The following MAMDC2 variants were observed in gnomAD, a reference collection of about 807,000 sequenced individuals.
MAMDC2 encodes the protein MAM domain-containing protein 2.
In MAMDC2, 57 loss-of-function variants were observed where a neutral mutation model predicts 89.8. The ratio of observed to expected loss-of-function variants is 0.63; its 90% confidence interval spans 0.51 to 0.79. The LOEUF (loss-of-function observed/expected upper bound fraction) is 0.79. Ranked by LOEUF, MAMDC2 falls within the 30% of genes least tolerant of loss-of-function variation. The pLI is 0.00. For missense variants in MAMDC2, 800 were observed against 820.6 expected, an observed-to-expected ratio of 0.97 and a Z score of 0.31; for synonymous variants, 313 against 293.4, an observed-to-expected ratio of 1.07 and a Z score of -0.68.
intron 9 of MAMDC2, among the ~76,000 whole-genome samples, chr9:70,157,079 A>C (rs2031787059): frequency 6.6e-6 from 1 of 152,212 alleles, no homozygotes; most frequent in Non-Finnish European, 1.5e-5. Flanking sequence ...CTTTCCCTAT[A>C]GTTTTACTAA....
chr9:70,205,602 G>C (rs1335829005), intron 11 of MAMDC2, among the ~76,000 whole-genome samples: 1 of 152,160 alleles, frequency 6.6e-6, no homozygotes, highest in Non-Finnish European at 1.5e-5. Context: ...GTGTCTGTGT[G>C]TCTCAACACA....
intron 9 of MAMDC2, among the ~76,000 whole-genome samples, chr9:70,158,533 T>C (rs1383533871): frequency 6.6e-6 from 1 of 151,500 alleles, no homozygotes; most frequent in Non-Finnish European, 1.5e-5. Flanking sequence ...TGTTTTCTGG[T>C]CTAAGTGAAA....
At chr9:70,156,812 T>C (rs550021298) in intron 9 of MAMDC2, among the ~76,000 whole-genome samples, 1 of 152,360 alleles carries the variant, frequency 6.6e-6, no homozygotes, top group South Asian at 2.1e-4. Flanking sequence ...CAGGCTGAGA[T>C]ACTCTTGTTT....
At chr9:70,221,408 G>GAGAGAGAGAGAGAGAGAGAGAGAGA (rs2033563067) in intron 12 of MAMDC2, among the ~76,000 whole-genome samples, 1 of 110,924 alleles carries the variant, frequency 9.0e-6, no homozygotes, top group Non-Finnish European at 1.9e-5. Flanking sequence ...GAGAGAGAGA[G>GAGAGAGAGAGAGAGAGAGAGAGAGA]TAACATCAGA....
At chr9:70,058,191 T>C (rs2118016651) in intron 2 of MAMDC2, among the ~76,000 whole-genome samples, 1 of 152,344 alleles carries the variant, frequency 6.6e-6, no homozygotes, top group Non-Finnish European at 1.5e-5. Flanking sequence ...GTGCAGGACA[T>C]GCATCATCTT....
At chr9:70,079,058 G>A (rs1452609792) in intron 2 of MAMDC2, among the ~76,000 whole-genome samples, 1 of 152,108 alleles carries the variant, frequency 6.6e-6, no homozygotes, top group African/African-American at 2.4e-5. Flanking sequence ...CACAGAGGGA[G>A]CCATCTTCTG....
chr9:70,220,886 G>A (rs1288299823), intron 12 of MAMDC2, among the ~76,000 whole-genome samples: 1 of 152,194 alleles, frequency 6.6e-6, no homozygotes, highest in Non-Finnish European at 1.5e-5. Flanking sequence ...GAGTTAGAGA[G>A]TCAAAGGAGA....
At chr9:70,159,345 A>G (rs1310996444) in intron 9 of MAMDC2, among the ~76,000 whole-genome samples, 1 of 152,096 alleles carries the variant, frequency 6.6e-6, no homozygotes, top group African/African-American at 2.4e-5. Context: ...AAACTACCAT[A>G]TTGTCTGTTA....
intron 2 of MAMDC2, among the ~76,000 whole-genome samples, chr9:70,098,946 T>G (rs2997692): frequency 0.064 from 9,757 of 152,274 alleles, 993 homozygotes; most frequent in African/African-American, 0.21. Flanking sequence ...TTTTTGAATC[T>G]TTGTTTCTTA....
intron 10 of MAMDC2, 27 bp downstream of exon 10, chr9:70,168,822 T>C (rs1285679271): frequency 1.9e-6 from 3 of 1,540,642 alleles, no homozygotes; most frequent in Middle Eastern, 1.7e-4. Flanking sequence ...TTTAGCTCTC[T>C]GTCTCTCTGA....
chr9:70,083,106 A>G (rs1208021780), intron 2 of MAMDC2, among the ~76,000 whole-genome samples: 1 of 152,214 alleles, frequency 6.6e-6, no homozygotes, highest in Non-Finnish European at 1.5e-5. Context: ...ATTTTATTTT[A>G]TAAGTAAAAT....
chr9:70,071,608 C>G (rs945491347), intron 2 of MAMDC2: 2 of 152,062 alleles, frequency 1.3e-5, no homozygotes, highest in Non-Finnish European at 2.9e-5. Context: ...TATTTTTATT[C>G]TTATCAGTAA....
At chr9:70,187,351 G>T (rs1021182122) in intron 11 of MAMDC2, among the ~76,000 whole-genome samples, 1 of 151,656 alleles carries the variant, frequency 6.6e-6, no homozygotes, top group Non-Finnish European at 1.5e-5. Context: ...TTGAATCTTA[G>T]CGATGTTCAG....
chr9:70,080,496 C>A (rs1366056170), intron 2 of MAMDC2, among the ~76,000 whole-genome samples: 10 of 152,168 alleles, frequency 6.6e-5, no homozygotes, highest in Admixed American at 6.5e-4. Flanking sequence ...TAATCATTTT[C>A]CTGTTGCTGG....
intron 6 of MAMDC2, 104 bp downstream of exon 6, chr9:70,126,519 G>T: frequency 8.2e-7 from 1 of 1,213,996 alleles, no homozygotes; most frequent in Non-Finnish European, 1.2e-6. Flanking sequence ...CACTCAGTCT[G>T]TCTTTTCTGC....
intron 2 of MAMDC2, among the ~76,000 whole-genome samples, chr9:70,096,790 A>T (rs553470702): frequency 6.6e-6 from 1 of 152,172 alleles, no homozygotes; most frequent in African/African-American, 2.4e-5. Flanking sequence ...CATGGAGAAG[A>T]TAGAGGAGTA....
rs147432991 is a variant in MAMDC2, at chr9:70,152,826, C to G, written c.1404+9007C>G. ...GTATACCAGGAGTATAGCCATATAT[C>G]CATAGTACCTGGTAAAGCTCAAAGG... On this transcript the variant is annotated intron_variant, in intron 9 of 13. Transcript: ENST00000377182. Among the ~76,000 whole-genome samples, 397 of 152,244 alleles carry G rather than the reference C, an allele frequency of 2.6e-3. 5 individuals are homozygous for G. The highest frequency in any genetic ancestry group is 9.0e-3 in the African/African-American group (374 of 41,534).
At chr9:70,194,033 C>T (rs2032932475) in intron 11 of MAMDC2, 1 of 152,016 alleles carries the variant, frequency 6.6e-6, no homozygotes, top group African/African-American at 2.4e-5. Context: ...TTGTGTCTAT[C>T]AGAATCAATA....
At chr9:70,221,546 T>C (rs1447631427) in intron 12 of MAMDC2, among the ~76,000 whole-genome samples, 54 of 150,570 alleles carry the variant, frequency 3.6e-4, no homozygotes, top group Admixed American at 3.5e-3. Flanking sequence ...AAGTTTCAGA[T>C]AGACAAGAGG....
Sources: allele counts gnomAD v4.1 joint callset (sites outside exome capture counted in the v4.1 genomes callset), GRCh38; gene constraint gnomAD v4.1.1; transcripts MANE v1.5; gene names NCBI Gene and HGNC (gene_info 2026-07-23, HGNC 2026-07-21).